Variants in OTOGL observed in about 807,000 individuals in gnomAD.
OTOGL encodes the protein otogelin-like protein.
OTOGL carries 285 observed loss-of-function variants against 318.5 expected under a neutral mutation model. The ratio of observed to expected loss-of-function variants is 0.89; its 90% CI spans 0.81 to 0.99. The LOEUF is 0.99. Ranked by LOEUF, OTOGL falls within the 50% of genes least tolerant of loss-of-function variation. The pLI, the probability that OTOGL is intolerant of heterozygous loss-of-function variation, is 0.00. For missense variants in OTOGL, 2,899 were observed against 2,845.6 expected (o/e 1.02, Z -0.43); for synonymous variants, 987 against 936.5 (o/e 1.05, Z -0.99).
chr12:80,195,678 A>G (rs1876009086), intron 1 of OTOGL, among the ~76,000 whole-genome samples: 1 of 152,172 alleles, frequency 6.6e-6, no homozygotes, highest in Non-Finnish European at 1.5e-5. Context: ...TGATATAGAC[A>G]ATGCCCTATC....
At chr12:80,323,611 T>G in intron 34 of OTOGL, 112 bp from the exon 35 acceptor site, 1 of 795,920 alleles carries the variant, frequency 1.3e-6, no homozygotes, top group Non-Finnish European at 2.0e-6. Context: ...ATAGTGCCAC[T>G]GCGCTCGAGC....
intron 44 of OTOGL, among the ~76,000 whole-genome samples, chr12:80,347,650 G>A (rs548362135): frequency 6.6e-6 from 1 of 152,098 alleles, no homozygotes; most frequent in Non-Finnish European, 1.5e-5. Context: ...TAATGGGATT[G>A]CTGGGTCAAA....
intron 1 of OTOGL, among the ~76,000 whole-genome samples, chr12:80,136,336 A>G (rs1205052124): frequency 6.6e-6 from 1 of 152,192 alleles, no homozygotes; most frequent in Admixed American, 6.5e-5. Context: ...TTGAAACTGT[A>G]TTGAGAGTCC....
At position 80,297,400 on chromosome 12, in the gene OTOGL, C is replaced by T. The variant is rs574290165; in HGVS notation, c.3063+439C>T. Among the ~76,000 whole-genome samples, 8 of 150,256 alleles carry T rather than the reference C, an allele frequency of 5.3e-5. No individual in the cohort carries two copies. The South Asian group carries it at 8.4e-4, about 16-fold the overall frequency. The stretch of plus-strand genomic sequence containing the variant: ...AGGCTGGAGTGCAGTGGCACGATCT[C>T]GGCTCACCTCAACCTCCGCCTCCTG... On this transcript the variant is annotated intron_variant, in intron 27 of 58. Coordinates refer to ENST00000547103, the MANE Select transcript of OTOGL (RefSeq NM_001378609.3).
chr12:80,353,492 A>T lies in OTOGL; in HGVS notation c.5575A>T (p.Ile1859Phe), dbSNP rs945800835. 9.5e-6 allele frequency: 15 copies of T among 1,576,148 alleles called. No individual in the cohort carries two copies. The highest frequency in any genetic ancestry group is 1.3e-5 in the African/African-American group (1 of 74,080). The stretch of plus-strand genomic sequence containing the variant: ...TCACAGGCCACATTCAGCCCAGTGC[A>T]TTCCAGAGAAAGAGTGTGGTAAGAC... ...ILHRPHSAQC[I>F]PEKECACTDS... Residue 1859 changes from isoleucine to phenylalanine, a missense_variant, in exon 46 of 59, where the codon ATT (isoleucine) becomes TTT (phenylalanine). Around this residue, in one of 3 missense-constraint regions of OTOGL, gnomAD observed 2,607 missense variants for 2,524.9 expected, o/e 1.03. Transcript: ENST00000547103.
At position 80,195,329 on chromosome 12, in the gene OTOGL, G is replaced by C. The variant is rs148600994; in HGVS notation, c.-19-14084G>C. 2.4e-3 allele frequency among the ~76,000 whole-genome samples: 360 copies of C among 152,338 alleles called. 1 individual carries two copies. Among genetic ancestry groups the C allele is most frequent in the African/African-American group, 8.4e-3 (351 of 41,584 alleles). ...CATGCACACTGACGTTCAGTAGTGA[G>C]CCAGCAGAGGGCTTTTCTGTACTTG... On this transcript the variant is annotated intron_variant, in intron 1 of 58. Coordinates refer to ENST00000547103, the MANE Select transcript of OTOGL (RefSeq NM_001378609.3).
chr12:80,223,926 T>C (rs1443769907), intron 7 of OTOGL, among the ~76,000 whole-genome samples: 2 of 152,190 alleles, frequency 1.3e-5, no homozygotes, highest in Non-Finnish European at 2.9e-5. Flanking sequence ...AAAAGCTTTT[T>C]AGTTTAATTA....
chr12:80,177,502 T>C (rs1007718903), intron 1 of OTOGL, among the ~76,000 whole-genome samples: 4 of 152,222 alleles, frequency 2.6e-5, no homozygotes, highest in Non-Finnish European at 5.9e-5. Context: ...CCATACTGTG[T>C]GAATGATTTT....
intron 1 of OTOGL, among the ~76,000 whole-genome samples, chr12:80,134,666 G>A (rs1376691282): frequency 1.3e-5 from 2 of 152,158 alleles, no homozygotes; most frequent in Non-Finnish European, 2.9e-5. Context: ...AGTGAAGTGA[G>A]GACCTGCATT....
intron 1 of OTOGL, among the ~76,000 whole-genome samples, chr12:80,147,093 C>T (rs1223896649): frequency 2.1e-4 from 32 of 151,460 alleles, no homozygotes; most frequent in Non-Finnish European, 2.5e-4. Flanking sequence ...TTGCCTTCTG[C>T]TAGCTTTTGA....
intron 1 of OTOGL, among the ~76,000 whole-genome samples, chr12:80,199,889 A>C (rs1191692518): frequency 6.6e-6 from 1 of 152,214 alleles, no homozygotes; most frequent in Non-Finnish European, 1.5e-5. Flanking sequence ...AATTGCTTAC[A>C]GGATCAAGTC....
chr12:80,233,379 T>G (rs1026102275), intron 9 of OTOGL, among the ~76,000 whole-genome samples: 4 of 152,226 alleles, frequency 2.6e-5, no homozygotes, highest in African/African-American at 9.6e-5. Flanking sequence ...GATACCTCTG[T>G]ATCCACTGCT....
chr12:80,119,400 A>T (rs919147061), intron 1 of OTOGL, among the ~76,000 whole-genome samples: 1 of 152,228 alleles, frequency 6.6e-6, no homozygotes, highest in Non-Finnish European at 1.5e-5. Flanking sequence ...GCCTGGCTTC[A>T]GTTCACCCTG....
At chr12:80,108,122 T>C (rs1869566619) in intron 1 of OTOGL, among the ~76,000 whole-genome samples, 1 of 152,080 alleles carries the variant, frequency 6.6e-6, no homozygotes, top group Admixed American at 6.6e-5. Flanking sequence ...AATAAGACTT[T>C]TGTAAGTTGC....
At chr12:80,347,963 G>A (rs907473017) in intron 44 of OTOGL, among the ~76,000 whole-genome samples, 1 of 151,998 alleles carries the variant, frequency 6.6e-6, no homozygotes, top group Admixed American at 6.6e-5. Flanking sequence ...CTTTTTGATG[G>A]GGTTGTTTGT....
intron 11 of OTOGL, among the ~76,000 whole-genome samples, chr12:80,249,497 C>T (rs866616803): frequency 4.6e-5 from 7 of 151,554 alleles, no homozygotes; most frequent in Non-Finnish European, 8.8e-5. Flanking sequence ...GGTCAGGGAC[C>T]CACTTGAGGA....
At chr12:80,341,714 T>C (rs1332000269) in intron 43 of OTOGL, among the ~76,000 whole-genome samples, 1 of 152,198 alleles carries the variant, frequency 6.6e-6, no homozygotes, top group Non-Finnish European at 1.5e-5. Context: ...TCTTGACTTC[T>C]AGGCTTTTGA....
intron 35 of OTOGL, 137 bp from the exon 36 acceptor site, chr12:80,328,528 A>G (rs866805136): frequency 1.6e-6 from 1 of 641,014 alleles, no homozygotes; most frequent in South Asian, 2.0e-5. Flanking sequence ...CAGATGGAGC[A>G]GTTGTTAGTG....
chr12:80,174,372 T>C (rs1299972380), intron 1 of OTOGL, among the ~76,000 whole-genome samples: 1 of 152,224 alleles, frequency 6.6e-6, no homozygotes, highest in African/African-American at 2.4e-5. Context: ...CTCCCATTTT[T>C]ACTAAAGACA....
Sources: allele counts gnomAD v4.1 joint callset (sites outside exome capture counted in the v4.1 genomes callset), GRCh38; gene constraint gnomAD v4.1.1; regional missense constraint gnomAD v4.1.1; transcripts MANE v1.5; gene names NCBI Gene and HGNC (gene_info 2026-07-23, HGNC 2026-07-21).